NTM: variants seen among roughly 807,000 people sequenced by gnomAD.
NTM encodes neurotrimin, also known as IgLON family member 2.
A neutral mutation model predicts 42.1 loss-of-function variants in NTM; 13 were observed. That is an observed-to-expected ratio of 0.31 (90% CI 0.20 to 0.49). The LOEUF (loss-of-function observed/expected upper bound fraction) is 0.49, where lower values mean the gene tolerates loss of function less well. Among genes scored for constraint, NTM ranks in the 20% least tolerant of loss-of-function variants. NTM has a pLI of 0.99. For synonymous variants in NTM, 187 were observed against 179.2 expected (o/e 1.04, Z -0.35); for missense variants, 373 against 452.8 (o/e 0.82, Z 1.60).
At chr11:131,868,093 C>A (rs2047406207) in intron 1 of NTM, among the ~76,000 whole-genome samples, 1 of 152,144 alleles carries the variant, frequency 6.6e-6, no homozygotes, top group Admixed American at 6.5e-5. Context: ...TGCTTTATTT[C>A]AGTGTGTGAT....
chr11:131,733,388 C>G (rs886184013), intron 1 of NTM, among the ~76,000 whole-genome samples: 1 of 151,984 alleles, frequency 6.6e-6, no homozygotes, highest in African/African-American at 2.4e-5. Context: ...TGGATTTTCC[C>G]CCATTTAACA....
At chr11:131,733,463 T>TTCTTTCCTTCCTTCC (rs2079960846) in intron 1 of NTM, among the ~76,000 whole-genome samples, 5 of 112,614 alleles carry the variant, frequency 4.4e-5, no homozygotes, top group African/African-American at 1.8e-4. Context: ...TCCTTCCTTC[T>TTCTTTCCTTCCTTCC]TTCCTTCCTT....
chr11:131,729,649 C>A (rs1472508347), intron 1 of NTM, among the ~76,000 whole-genome samples: 1 of 152,132 alleles, frequency 6.6e-6, no homozygotes, highest in African/African-American at 2.4e-5. Context: ...ATGGATTTGT[C>A]TATTCTGTAT....
At chr11:131,673,078 T>C (rs554508984) in intron 1 of NTM, among the ~76,000 whole-genome samples, 1 of 152,262 alleles carries the variant, frequency 6.6e-6, no homozygotes, top group African/African-American at 2.4e-5. Flanking sequence ...GTTCCTTGTC[T>C]ATTTTAGGCT....
chr11:131,972,693 A>T (rs1360317714), intron 2 of NTM, among the ~76,000 whole-genome samples: 2 of 152,188 alleles, frequency 1.3e-5, no homozygotes, highest in Non-Finnish European at 2.9e-5. Flanking sequence ...ACCCCCGCAT[A>T]ATGTGGCTCT....
intron 1 of NTM, among the ~76,000 whole-genome samples, chr11:131,715,428 C>A (rs2077591562): frequency 6.6e-6 from 1 of 152,136 alleles, no homozygotes; most frequent in African/African-American, 2.4e-5. Context: ...ATTTCATCTG[C>A]CAATCACTGT....
At chr11:132,233,748 A>G (rs999483963) in intron 4 of NTM, among the ~76,000 whole-genome samples, 2 of 152,212 alleles carry the variant, frequency 1.3e-5, no homozygotes, top group Non-Finnish European at 2.9e-5. Flanking sequence ...GAAGTCTGCC[A>G]ATCCCTGCAC....
chr11:132,323,757 C>T (rs1352305166), intron 7 of NTM, among the ~76,000 whole-genome samples: 2 of 152,132 alleles, frequency 1.3e-5, no homozygotes, highest in African/African-American at 4.8e-5. Flanking sequence ...CCTTGATGAA[C>T]ATTGATGCAA....
chr11:132,308,126 C>T (rs893683320), intron 5 of NTM, among the ~76,000 whole-genome samples: 1 of 152,184 alleles, frequency 6.6e-6, no homozygotes, highest in African/African-American at 2.4e-5. Context: ...AACACGTCTT[C>T]AAATCCAAAA....
At chr11:132,040,686 C>T (rs971125179) in intron 2 of NTM, among the ~76,000 whole-genome samples, 2 of 152,210 alleles carry the variant, frequency 1.3e-5, no homozygotes, top group Non-Finnish European at 2.9e-5. Context: ...TCTATTATAA[C>T]ACTTATAGCC....
intron 2 of NTM, among the ~76,000 whole-genome samples, chr11:132,078,294 G>A (rs895201310): frequency 6.6e-6 from 1 of 152,212 alleles, no homozygotes; most frequent in Non-Finnish European, 1.5e-5. Flanking sequence ...ACACACTCAC[G>A]GATGTGCGGC....
chr11:132,100,123 T>C (rs2061459732), intron 2 of NTM, among the ~76,000 whole-genome samples: 2 of 152,240 alleles, frequency 1.3e-5, no homozygotes, highest in Admixed American at 1.3e-4. Context: ...AGAGACCTTT[T>C]TACATTTCTC....
intron 2 of NTM, among the ~76,000 whole-genome samples, chr11:131,960,054 C>T (rs2061980751): frequency 6.6e-6 from 1 of 152,130 alleles, no homozygotes; most frequent in Admixed American, 6.5e-5. Flanking sequence ...TGCATTGAAG[C>T]TGATTTGAAT....
At chr11:132,016,743 C>T (rs2073479718) in intron 2 of NTM, among the ~76,000 whole-genome samples, 3 of 151,922 alleles carry the variant, frequency 2.0e-5, no homozygotes. Context: ...GTGGTTGTAA[C>T]ATTTTACATT....
intron 1 of NTM, among the ~76,000 whole-genome samples, chr11:131,826,561 T>C (rs1384076142): frequency 1.4e-5 from 1 of 69,216 alleles, no homozygotes. Flanking sequence ...GGTCGTAATA[T>C]TCTAAAAAAA....
At chr11:131,963,530 C>T (rs924400701) in intron 2 of NTM, among the ~76,000 whole-genome samples, 23 of 152,184 alleles carry the variant, frequency 1.5e-4, no homozygotes, top group African/African-American at 5.5e-4. Context: ...AAATGCAAGA[C>T]ACCCATGGAG....
intron 2 of NTM, among the ~76,000 whole-genome samples, chr11:132,072,328 C>G (rs760743879): frequency 6.6e-6 from 1 of 152,206 alleles, no homozygotes; most frequent in East Asian, 1.9e-4. Context: ...CTCAGACTCC[C>G]GTAGGGAAGT....
At chr11:131,564,817 TACAAC>T (rs2056678300) in intron 1 of NTM, among the ~76,000 whole-genome samples, 1 of 152,176 alleles carries the variant, frequency 6.6e-6, no homozygotes, top group Non-Finnish European at 1.5e-5. Flanking sequence ...AGAATATTCT[TACAAC>T]ACACATGCTC....
intron 1 of NTM, among the ~76,000 whole-genome samples, chr11:131,627,299 T>C (rs1044919285): frequency 6.6e-6 from 1 of 151,872 alleles, no homozygotes; most frequent in Non-Finnish European, 1.5e-5. Context: ...ACTGCCACGT[T>C]TGAGAGCAGA....
Sources: gnomAD v4.1 joint callset for allele counts (sites outside exome capture counted in the v4.1 genomes callset) on GRCh38, gnomAD v4.1.1 for gene constraint, MANE v1.5 for transcripts, NCBI Gene and HGNC (gene_info 2026-07-23, HGNC 2026-07-21) for gene names.